CARMIL1: variants seen among roughly 807,000 people sequenced by gnomAD.
CARMIL1 encodes the protein capping protein regulator and myosin 1 linker 1, also known as F-actin-uncapping protein LRRC16A.
Under a neutral mutation model 177.1 loss-of-function variants are expected in CARMIL1, and 90 were observed. That is an observed-to-expected ratio of 0.51 (90% CI 0.43 to 0.61). The LOEUF is 0.61. Ranked by LOEUF, CARMIL1 falls within the 20% of genes least tolerant of loss-of-function variation. The pLI is 0.00. For missense variants in CARMIL1, 1,380 were observed against 1,667.0 expected, an observed-to-expected ratio of 0.83 and a Z score of 3.00; for synonymous variants, 577 against 606.2, an observed-to-expected ratio of 0.95 and a Z score of 0.71.
chr6:25,520,588 C>T (rs1300740286), intron 23 of CARMIL1, among the ~76,000 whole-genome samples: 1 of 152,122 alleles, frequency 6.6e-6, no homozygotes, highest in Non-Finnish European at 1.5e-5. Context: ...CATCAACATG[C>T]CAGAGCTTAA....
intron 2 of CARMIL1, among the ~76,000 whole-genome samples, chr6:25,312,905 TAAAAAA>T (rs35960509): frequency 8.7e-6 from 1 of 115,000 alleles, no homozygotes; most frequent in Non-Finnish European, 1.8e-5. Context: ...ATGACTCAGT[TAAAAAA>T]AAAAAAAAAA....
At chr6:25,363,937 C>T (rs1789488862) in intron 2 of CARMIL1, among the ~76,000 whole-genome samples, 4 of 151,902 alleles carry the variant, frequency 2.6e-5, no homozygotes, top group African/African-American at 7.3e-5. Flanking sequence ...CTCTTCTCTT[C>T]TCTCTCGTTT....
At chr6:25,480,278 A>T (rs1352701265) in intron 11 of CARMIL1, among the ~76,000 whole-genome samples, 1 of 152,078 alleles carries the variant, frequency 6.6e-6, no homozygotes, top group African/African-American at 2.4e-5. Flanking sequence ...TTCCATTATT[A>T]TATATGCGTG....
intron 2 of CARMIL1, among the ~76,000 whole-genome samples, chr6:25,350,445 C>G (rs1472203600): frequency 6.6e-6 from 1 of 152,124 alleles, no homozygotes; most frequent in Non-Finnish European, 1.5e-5. Flanking sequence ...ACCGTCTCAC[C>G]AGGCATGGGC....
chr6:25,523,160 A>G (rs1438931999), intron 23 of CARMIL1, among the ~76,000 whole-genome samples: 1 of 152,198 alleles, frequency 6.6e-6, no homozygotes. Context: ...TGAGAGAGAA[A>G]AAAGCTGTGG....
intron 26 of CARMIL1, among the ~76,000 whole-genome samples, chr6:25,550,339 A>G (rs1429982566): frequency 6.6e-6 from 1 of 152,124 alleles, no homozygotes; most frequent in Non-Finnish European, 1.5e-5. Flanking sequence ...CCTATAGTTT[A>G]TTGCTGTCAT....
chr6:25,330,670 C>A (rs980128248), intron 2 of CARMIL1, among the ~76,000 whole-genome samples: 2 of 142,476 alleles, frequency 1.4e-5, no homozygotes, highest in Non-Finnish European at 3.1e-5. Context: ...TGAGACGCAC[C>A]CCCCCGCCCA....
At chr6:25,600,821 G>T in intron 33 of CARMIL1, 75 bp downstream of exon 33, 2 of 1,281,798 alleles carry the variant, frequency 1.6e-6, no homozygotes, top group South Asian at 1.7e-5. Context: ...TGGTGCATGT[G>T]ATATTTTTAT....
At chr6:25,541,003 A>G (rs1212518310) in intron 26 of CARMIL1, among the ~76,000 whole-genome samples, 1 of 152,184 alleles carries the variant, frequency 6.6e-6, no homozygotes, top group Non-Finnish European at 1.5e-5. Context: ...TTTTGAATCC[A>G]TCCTGAGCAG....
At chr6:25,594,071 T>G (rs1814580770) in intron 31 of CARMIL1, among the ~76,000 whole-genome samples, 1 of 152,080 alleles carries the variant, frequency 6.6e-6, no homozygotes, top group Non-Finnish European at 1.5e-5. Context: ...CAGTGCGTGT[T>G]TCATTTCTCC....
chr6:25,430,403 T>C (rs11966790), intron 4 of CARMIL1, among the ~76,000 whole-genome samples: 15,278 of 151,058 alleles, frequency 0.1, 922 homozygotes, highest in East Asian at 0.2. Context: ...GTGAAATTAT[T>C]TGGGCCTTGA....
At chr6:25,586,408 A>G (rs191657713) in intron 31 of CARMIL1, among the ~76,000 whole-genome samples, 2,779 of 148,410 alleles carry the variant, frequency 0.019, 93 homozygotes, top group African/African-American at 0.058. Context: ...GCGGCCAGGC[A>G]GAGACGCTCC....
intron 2 of CARMIL1, among the ~76,000 whole-genome samples, chr6:25,299,292 T>G (rs2150167961): frequency 6.6e-6 from 1 of 151,126 alleles, no homozygotes; most frequent in South Asian, 2.1e-4. Flanking sequence ...TGCCTCAGCC[T>G]CCTGAATAGC....
intron 11 of CARMIL1, among the ~76,000 whole-genome samples, chr6:25,478,398 T>A (rs1463011002): frequency 6.6e-6 from 1 of 152,164 alleles, no homozygotes; most frequent in African/African-American, 2.4e-5. Context: ...TCAGCTTCCT[T>A]ATATTAAAAA....
At chr6:25,443,572 T>A (rs1259398889) in intron 5 of CARMIL1, among the ~76,000 whole-genome samples, 1 of 152,242 alleles carries the variant, frequency 6.6e-6, no homozygotes, top group Non-Finnish European at 1.5e-5. Context: ...AGTCAAGAAC[T>A]TTTTGGTTTC....
chr6:25,322,838 C>G (rs1419499427), intron 2 of CARMIL1, among the ~76,000 whole-genome samples: 1 of 152,174 alleles, frequency 6.6e-6, no homozygotes. Context: ...AGGACTGATT[C>G]AAGTGTGAAG....
At chr6:25,460,312 A>G (rs1015815681) in intron 8 of CARMIL1, among the ~76,000 whole-genome samples, 5 of 152,238 alleles carry the variant, frequency 3.3e-5, no homozygotes, top group Non-Finnish European at 7.3e-5. Context: ...GATTAGTTAC[A>G]TACTGTCTTG....
chr6:25,331,902 C>T (rs12192665), intron 2 of CARMIL1, among the ~76,000 whole-genome samples: 20,493 of 152,232 alleles, frequency 0.13, 1,430 homozygotes, highest in Middle Eastern at 0.19. Flanking sequence ...ATGAATAGTT[C>T]ATATTCTAAA....
At chr6:25,425,403 T>A (rs958503654) in intron 3 of CARMIL1, among the ~76,000 whole-genome samples, 1 of 152,212 alleles carries the variant, frequency 6.6e-6, no homozygotes, top group Non-Finnish European at 1.5e-5. Flanking sequence ...AACTGGAGAT[T>A]CAGCGTTTTT....
Sources: gnomAD v4.1 joint callset for allele counts (sites outside exome capture counted in the v4.1 genomes callset) on GRCh38, gnomAD v4.1.1 for gene constraint, MANE v1.5 for transcripts, NCBI Gene and HGNC (gene_info 2026-07-23, HGNC 2026-07-21) for gene names.